The following SCOC variants were observed in gnomAD, a reference collection of about 807,000 sequenced individuals.
The protein encoded by SCOC is short coiled coil protein.
Under a neutral mutation model 9.9 loss-of-function variants are expected in SCOC, and 7 were observed. The ratio of observed to expected loss-of-function variants is 0.71; its 90% CI spans 0.40 to 1.33. The LOEUF is 1.33. Among genes scored for constraint, SCOC ranks in the 40% most tolerant of loss-of-function variants. The pLI is 0.01. For synonymous variants in SCOC, 19 were observed against 28.2 expected (o/e 0.67, Z 1.03); for missense variants, 66 against 89.7 (o/e 0.74, Z 1.07).
intron 1 of SCOC, among the ~76,000 whole-genome samples, chr4:140,306,598 G>A (rs1320890719): frequency 1.3e-5 from 2 of 152,064 alleles, no homozygotes; most frequent in Non-Finnish European, 2.9e-5. Flanking sequence ...CAACACTGGA[G>A]GCCTGGTGTG....
At chr4:140,339,001 A>G (rs1273581654), upstream of SCOC, among the ~76,000 whole-genome samples, 1 of 152,224 alleles carries the variant, frequency 6.6e-6, no homozygotes, top group African/African-American at 2.4e-5. Context: ...AGTCAATCCT[A>G]AGCCAAAAGA....
chr4:140,350,461 G>C (rs1996009), intron 2 of SCOC, among the ~76,000 whole-genome samples: 4,226 of 152,284 alleles, frequency 0.028, 95 homozygotes, highest in Non-Finnish European at 0.04. Context: ...CCTAGGGTTG[G>C]TTTTCCTAAA....
At chr4:140,366,566 C>A in intron 2 of SCOC, 1 of 1,600,958 alleles carries the variant, frequency 6.2e-7, no homozygotes, top group Non-Finnish European at 8.6e-7. Context: ...GCTTTCCTTT[C>A]TCTGGCTTCA....
intron 1 of SCOC, among the ~76,000 whole-genome samples, chr4:140,287,187 C>G (rs1731302558): frequency 6.7e-6 from 1 of 148,514 alleles, no homozygotes; most frequent in East Asian, 2.0e-4. Flanking sequence ...TACACACATG[C>G]TACACACACA....
At chr4:140,370,619 C>A (rs1214969668), upstream of SCOC, among the ~76,000 whole-genome samples, 1 of 152,158 alleles carries the variant, frequency 6.6e-6, no homozygotes, top group East Asian at 1.9e-4. Context: ...AGTTGTTTTA[C>A]AAATTGCAGA....
At chr4:140,290,453 C>T (rs1296462884) in intron 1 of SCOC, among the ~76,000 whole-genome samples, 3 of 152,190 alleles carry the variant, frequency 2.0e-5, no homozygotes, top group African/African-American at 7.2e-5. Context: ...TTTGGTTCCA[C>T]TCATTTCCAT....
intron 1 of SCOC, among the ~76,000 whole-genome samples, chr4:140,327,351 A>G (rs569007100): frequency 3.9e-5 from 6 of 152,310 alleles, no homozygotes; most frequent in African/African-American, 1.4e-4. Context: ...TGGGATTTCA[A>G]AATCCTGCAC....
At chr4:140,273,318 ATATC>A (rs1730893006) in intron 1 of SCOC, among the ~76,000 whole-genome samples, 2 of 152,224 alleles carry the variant, frequency 1.3e-5, no homozygotes, top group Admixed American at 6.5e-5. Flanking sequence ...GTTTTACTCT[ATATC>A]TATGAGACAT....
In SCOC at chr4:140,315,280, C is replaced by A. The variant is rs17379048; in HGVS notation, c.-18-28341C>A. Among the ~76,000 whole-genome samples the A allele has an allele frequency of 9.8e-3, 1,498 of 152,258 alleles. 11 individuals carry two copies. The highest frequency in any genetic ancestry group is 0.02 in the Middle Eastern group (6 of 294). On this transcript the variant is annotated intron_variant, in intron 1 of 4. Coordinates refer to the SCOC transcript ENST00000394205. ...AGTAGCTTAGGTATTTTCAAAGGAA[C>A]GGGTATGCCTAACAGTATCTAACAT...
At chr4:140,298,983 T>G (rs370681280) in intron 1 of SCOC, among the ~76,000 whole-genome samples, 1 of 152,050 alleles carries the variant, frequency 6.6e-6, no homozygotes, top group African/African-American at 2.4e-5. Flanking sequence ...GCCTGGCTAA[T>G]TTTTTCTATT....
At chr4:140,379,513 C>CTAATG (rs2126601172) in intron 2 of SCOC, 56 bp from the exon 3 acceptor site, 1 of 1,261,904 alleles carries the variant, frequency 7.9e-7, no homozygotes, top group East Asian at 2.3e-5. Flanking sequence ...TAAGTGCTAC[C>CTAATG]CTACACAAAT....
intron 1 of SCOC, among the ~76,000 whole-genome samples, chr4:140,269,293 G>A (rs528777178): frequency 3.5e-4 from 53 of 152,270 alleles, no homozygotes; most frequent in African/African-American, 1.3e-3. Context: ...ACGACCAATA[G>A]TGTACAGTGA....
chr4:140,322,859 T>C (rs1732539305), intron 1 of SCOC, among the ~76,000 whole-genome samples: 1 of 152,084 alleles, frequency 6.6e-6, no homozygotes, highest in African/African-American at 2.4e-5. Flanking sequence ...CAGGTGCTAT[T>C]CATCAAGACA....
intron 1 of SCOC, among the ~76,000 whole-genome samples, chr4:140,302,412 T>C (rs774620508): frequency 1.3e-5 from 2 of 152,164 alleles, no homozygotes; most frequent in Non-Finnish European, 2.9e-5. Context: ...GATATAGTGA[T>C]TTGAGATTCT....
At chr4:140,340,165 C>T (rs554483817), upstream of SCOC, among the ~76,000 whole-genome samples, 80 of 152,146 alleles carry the variant, frequency 5.3e-4, no homozygotes, top group African/African-American at 1.7e-3. Context: ...ATGGATGAAG[C>T]GGGAAACCAT....
At position 140,374,093 on chromosome 4, in the gene SCOC, G is replaced by T. The variant is rs867154153; in HGVS notation, c.-51+376G>T. On this transcript the variant is annotated intron_variant, in intron 1 of 3. Coordinates refer to ENST00000608372, the MANE Select transcript of SCOC (RefSeq NM_001153484.2). ...GTTTGGGTGGAATGGGACCTGGCAC[G>T]CCTGGACCTTCCCGTGGCTGCTCTG... 1.5e-5 allele frequency: 7 copies of T among 477,902 alleles called. No homozygotes were observed. The Middle Eastern group carries it at 1.2e-3, about 84-fold the overall frequency. 29.6% of individuals were successfully genotyped at this position (477,902 alleles called of 1,614,324 possible). A position where few individuals can be genotyped will look rare whatever the true frequency, so the allele number is the denominator to read the frequency against.
chr4:140,337,581 A>G (rs1732992148), intron 1 of SCOC, among the ~76,000 whole-genome samples: 1 of 152,214 alleles, frequency 6.6e-6, no homozygotes, highest in Non-Finnish European at 1.5e-5. Flanking sequence ...TGTAGAGACA[A>G]GAATCAAATA....
chr4:140,350,357 C>T lies in SCOC; in HGVS notation c.70+6649C>T, dbSNP rs546766713. 5.3e-5 allele frequency among the ~76,000 whole-genome samples: 8 copies of T among 152,324 alleles called. No individual in the cohort carries two copies. The East Asian group carries it at 1.5e-3, about 29-fold the overall frequency. On this transcript the variant is annotated intron_variant, in intron 2 of 4. Transcript: ENST00000338517. ...CCAGCATCCAGCACAAGTTGAATGG[C>T]TTAACATCTTTTGATTAAAGAATTC...
Position 140,384,276 on chromosome 4 carries a change from T to C in SCOC, c.*3172T>C, listed in dbSNP as rs1338494173. On this transcript the variant is annotated 3_prime_UTR_variant, in exon 4 of 4. Coordinates refer to ENST00000608372, the MANE Select transcript of SCOC (RefSeq NM_001153484.2). ...ATGTTAATGGTAAGCTAATGCTATATACTTAGTTTTTGCTATGCAATACTT... is the reference window on the plus strand; with the variant it reads ...ATGTTAATGGTAAGCTAATGCTATACACTTAGTTTTTGCTATGCAATACTT... The C allele has an allele frequency of 6.6e-6, 1 of 152,198 alleles. No homozygotes were observed. The highest frequency in any genetic ancestry group is 1.5e-5 in the Non-Finnish European group (1 of 68,032). 9.4% of individuals were successfully genotyped at this position (152,198 alleles called of 1,614,324 possible).
Sources: gnomAD v4.1 joint callset for allele counts (sites outside exome capture counted in the v4.1 genomes callset) on GRCh38, gnomAD v4.1.1 for gene constraint, MANE v1.5 for transcripts, NCBI Gene and HGNC (gene_info 2026-07-23, HGNC 2026-07-21) for gene names.